USH2A: variants seen among roughly 807,000 people sequenced by gnomAD.
USH2A encodes Usher syndrome 2A (autosomal recessive, mild).
Under a neutral mutation model 538.9 loss-of-function variants are expected in USH2A, and 443 were observed. The ratio of observed to expected loss-of-function variants is 0.82; its 90% CI spans 0.76 to 0.89. The LOEUF (loss-of-function observed/expected upper bound fraction) is 0.89, where lower values mean the gene tolerates loss of function less well. Ranked by LOEUF, USH2A falls within the 40% of genes least tolerant of loss-of-function variation. USH2A has a pLI of 0.00. For synonymous variants in USH2A, 2,413 were observed against 2,273.5 expected (o/e 1.06, Z -1.75); for missense variants, 6,633 against 6,324.8 (o/e 1.05, Z -1.65).
Position 216,198,441 on chromosome 1 carries a change from G to T in USH2A, c.3955C>A (p.Pro1319Thr), listed in dbSNP as rs773133837. Residue 1319 changes from proline to threonine, a missense_variant, in exon 18 of 72, where the codon CCT becomes ACT. Coordinates refer to ENST00000307340, the MANE Select transcript of USH2A (RefSeq NM_206933.4). ...GTGATGGTTGTCATTGTTTGAGGAG[G>T]TTTTAATGCATTTTCATTGGCCGAT... ...VESANENALK[P>T]PQTMTTITGL... is the part of the protein sequence containing the mutation. 2.5e-6 allele frequency: 4 copies of T among 1,613,884 alleles called. No individual in the cohort carries two copies. Among genetic ancestry groups the T allele is most frequent in the Non-Finnish European group, 3.4e-6 (4 of 1,179,970 alleles).
chr1:215,721,961 AG>A (rs1166090703), intron 61 of USH2A, among the ~76,000 whole-genome samples: 1 of 151,616 alleles, frequency 6.6e-6, no homozygotes, highest in African/African-American at 2.4e-5. Flanking sequence ...GCTACTTGGG[AG>A]GCTGAGGAGG....
chr1:216,332,011 A>G (rs2037874226), intron 4 of USH2A, among the ~76,000 whole-genome samples: 1 of 152,152 alleles, frequency 6.6e-6, no homozygotes, highest in Admixed American at 6.6e-5. Context: ...ATTGGTAAGA[A>G]CAACATGTTC....
chr1:216,278,419 A>T (rs936144065), intron 11 of USH2A, among the ~76,000 whole-genome samples: 1 of 152,128 alleles, frequency 6.6e-6, no homozygotes, highest in African/African-American at 2.4e-5. Context: ...TTTCCCATTT[A>T]TACCCCAGGA....
rs576851851 is a variant in USH2A at position 216,148,599 on chromosome 1, G to T, written c.4627+26653C>A. On this transcript the variant is annotated intron_variant, in intron 21 of 71. Transcript: ENST00000307340. ...GTTATCACCCGCCTGCTACAGCATGGCCTTTTAAAGCCTATAAACTCTCCT... is the reference window on the plus strand; with the variant it reads ...GTTATCACCCGCCTGCTACAGCATGTCCTTTTAAAGCCTATAAACTCTCCT... 8.0e-3 allele frequency among the ~76,000 whole-genome samples: 1,224 copies of T among 152,128 alleles called. 16 individuals carry two copies. The highest frequency in any genetic ancestry group is 0.027 in the African/African-American group (1,110 of 41,490).
intron 11 of USH2A, among the ~76,000 whole-genome samples, chr1:216,275,276 T>C (rs2036651514): frequency 6.6e-6 from 1 of 152,128 alleles, no homozygotes; most frequent in South Asian, 2.1e-4. Flanking sequence ...ATGGCACAAC[T>C]ATACAGTGTG....
chr1:216,341,185 T>A, intron 4 of USH2A, among the ~76,000 whole-genome samples: 1 of 152,046 alleles, frequency 6.6e-6, no homozygotes, highest in East Asian at 1.9e-4. Context: ...ATCACAAGCA[T>A]TTCTATACAC....
intron 35 of USH2A, among the ~76,000 whole-genome samples, chr1:215,980,853 C>T (rs1268642683): frequency 6.6e-6 from 1 of 151,968 alleles, no homozygotes; most frequent in African/African-American, 2.4e-5. Flanking sequence ...TTATTCTACT[C>T]TTGATAGATA....
intron 21 of USH2A, among the ~76,000 whole-genome samples, chr1:216,148,627 C>T (rs1003030928): frequency 6.6e-6 from 1 of 152,104 alleles, no homozygotes; most frequent in African/African-American, 2.4e-5. Context: ...ACTCTCCTTA[C>T]AATTCCCCCA....
chr1:216,296,317 A>T (rs1356448999), intron 9 of USH2A, among the ~76,000 whole-genome samples: 2 of 151,968 alleles, frequency 1.3e-5, no homozygotes, highest in Non-Finnish European at 2.9e-5. Context: ...AGTGATAAAG[A>T]TTATTTTTCC....
intron 21 of USH2A, among the ~76,000 whole-genome samples, chr1:216,172,916 A>G (rs2034299019): frequency 6.6e-6 from 1 of 152,012 alleles, no homozygotes; most frequent in Admixed American, 6.6e-5. Flanking sequence ...GTTCCTTTCC[A>G]CCCTGTAGCA....
rs1245408513 is a variant in USH2A, at chr1:215,766,781, CTGG to C, written c.10944_10946del (p.Gln3649del). 1 of 1,613,294 alleles carries C rather than the reference CTGG, an allele frequency of 6.2e-7. No homozygotes were observed. Among genetic ancestry groups the C allele is most frequent in the African/African-American group, 1.3e-5 (1 of 74,834 alleles). On this transcript the variant is annotated inframe_deletion, in exon 56 of 72. Transcript: ENST00000307340. ...GAGTGAAGCTGTAGTTGGTGTATGG[CTGG>C]AGACCTAGAAAAAGCAAGCAAGAAA...
At chr1:216,359,851 A>T (rs2038458166) in intron 4 of USH2A, among the ~76,000 whole-genome samples, 2 of 152,138 alleles carry the variant, frequency 1.3e-5, no homozygotes, top group African/African-American at 2.4e-5. Context: ...ATGAAGTTCA[A>T]AAACAATACT....
intron 9 of USH2A, among the ~76,000 whole-genome samples, chr1:216,292,897 T>C (rs569954495): frequency 8.5e-5 from 13 of 152,346 alleles, no homozygotes. Flanking sequence ...TTTAGTACTC[T>C]GTAATTTAAA....
chr1:216,266,088 G>A (rs2036466680), intron 11 of USH2A, among the ~76,000 whole-genome samples: 1 of 152,094 alleles, frequency 6.6e-6, no homozygotes, highest in African/African-American at 2.4e-5. Flanking sequence ...ATACAGGTTG[G>A]TGGTAATGGA....
intron 35 of USH2A, among the ~76,000 whole-genome samples, chr1:215,981,208 T>C (rs969499580): frequency 6.6e-6 from 1 of 152,164 alleles, no homozygotes; most frequent in Non-Finnish European, 1.5e-5. Context: ...CTTATGTTTA[T>C]CAGACATTTA....
chr1:215,975,680 G>T (rs1667603578), intron 35 of USH2A, among the ~76,000 whole-genome samples: 1 of 152,144 alleles, frequency 6.6e-6, no homozygotes, highest in Admixed American at 6.5e-5. Context: ...CTATGTGTCT[G>T]TTTTTGTACC....
At chr1:216,414,231 T>C (rs1298085525) in intron 3 of USH2A, among the ~76,000 whole-genome samples, 1 of 152,062 alleles carries the variant, frequency 6.6e-6, no homozygotes, top group East Asian at 1.9e-4. Context: ...AATTTTAGCT[T>C]GATATAATTT....
At chr1:215,969,328 C>G (rs76631829) in intron 36 of USH2A, among the ~76,000 whole-genome samples, 15,278 of 152,120 alleles carry the variant, frequency 0.1, 836 homozygotes, top group African/African-American at 0.13. Flanking sequence ...TCTATTCCCC[C>G]CTTCCTATCA....
chr1:216,099,352 G>A (rs2032522154), intron 21 of USH2A, among the ~76,000 whole-genome samples: 1 of 152,006 alleles, frequency 6.6e-6, no homozygotes, highest in Non-Finnish European at 1.5e-5. Context: ...CCAACAAATT[G>A]CTTTTCAGTA....
Sources: gnomAD v4.1 joint callset for allele counts (sites outside exome capture counted in the v4.1 genomes callset) on GRCh38, gnomAD v4.1.1 for gene constraint, MANE v1.5 for transcripts, NCBI Gene and HGNC (gene_info 2026-07-23, HGNC 2026-07-21) for gene names.